HIP1: variants seen among roughly 807,000 people sequenced by gnomAD.
HIP1 encodes huntingtin-interacting protein 1.
Under a neutral mutation model 147.6 loss-of-function variants are expected in HIP1, and 65 were observed. The observed-to-expected ratio is 0.44, with a 90% CI of 0.36 to 0.54. The LOEUF (loss-of-function observed/expected upper bound fraction) is 0.54. Among genes scored for constraint, HIP1 ranks in the 20% least tolerant of loss-of-function variants. The pLI, the probability that HIP1 is intolerant of heterozygous loss-of-function variation, is 0.00. For missense variants in HIP1, 1,061 were observed against 1,299.6 expected, an observed-to-expected ratio of 0.82 and a Z score of 2.82; for synonymous variants, 479 against 504.0, an observed-to-expected ratio of 0.95 and a Z score of 0.67.
intron 1 of HIP1, among the ~76,000 whole-genome samples, chr7:75,694,171 G>C (rs1398674975): frequency 1.3e-5 from 2 of 151,936 alleles, no homozygotes; most frequent in East Asian, 1.9e-4. Flanking sequence ...ACCCACCTCG[G>C]CCTCCCAAAG....
chr7:75,558,306 C>A, intron 14 of HIP1, 51 bp from the exon 15 acceptor site: 2 of 1,419,916 alleles, frequency 1.4e-6, no homozygotes, highest in Non-Finnish European at 2.0e-6. Context: ...GGGACCCTTG[C>A]CTTCCTTGCA....
chr7:75,541,147 A>G (rs1251491239), intron 29 of HIP1, among the ~76,000 whole-genome samples: 1 of 151,994 alleles, frequency 6.6e-6, no homozygotes, highest in African/African-American at 2.4e-5. Flanking sequence ...CTGTAATCCC[A>G]GCACTTTGGA....
chr7:75,612,284 C>T lies in HIP1; in HGVS notation c.121-13037G>A, dbSNP rs140882906. Among the ~76,000 whole-genome samples the T allele has an allele frequency of 2.6e-4, 40 of 152,154 alleles. No homozygotes were observed. The East Asian group carries it at 2.9e-3, about 11-fold the overall frequency. ...CAGCACTTTGGGAGGCGGAGGTGGG[C>T]GGATCACCCAAAGTCAGGAGCTCCA... On this transcript the variant is annotated intron_variant, in intron 1 of 30. Coordinates refer to ENST00000336926, the MANE Select transcript of HIP1 (RefSeq NM_005338.7).
intron 14 of HIP1, among the ~76,000 whole-genome samples, chr7:75,559,402 C>T (rs1260075499): frequency 6.6e-6 from 1 of 152,210 alleles, no homozygotes; most frequent in East Asian, 1.9e-4. Context: ...AGGCATGTGC[C>T]ACTGTGCCCT....
chr7:75,563,303 C>T (rs377615961), intron 9 of HIP1, 40 bp from the exon 10 acceptor site: 2 of 1,583,636 alleles, frequency 1.3e-6, no homozygotes, highest in Non-Finnish European at 1.7e-6. Flanking sequence ...TGGGTGTCTT[C>T]ATCAGCCCCA....
intron 1 of HIP1, among the ~76,000 whole-genome samples, chr7:75,688,706 T>C (rs1800348324): frequency 6.6e-6 from 1 of 152,040 alleles, no homozygotes. Flanking sequence ...AACCAGCAGG[T>C]GGGAGGTTGT....
chr7:75,656,908 C>T (rs1246500088), intron 1 of HIP1, among the ~76,000 whole-genome samples: 2 of 152,196 alleles, frequency 1.3e-5, no homozygotes, highest in African/African-American at 4.8e-5. Flanking sequence ...CATAGTCTGA[C>T]CCCCTGGGAA....
intron 1 of HIP1, among the ~76,000 whole-genome samples, chr7:75,732,183 G>A (rs1801856998): frequency 6.6e-6 from 1 of 152,102 alleles, no homozygotes; most frequent in Non-Finnish European, 1.5e-5. Context: ...CTGAGCCTGA[G>A]CTATTAAAAT....
chr7:75,595,247 T>C (rs62478482), intron 2 of HIP1, among the ~76,000 whole-genome samples: 7,907 of 78,512 alleles, frequency 0.1, 449 homozygotes, highest in African/African-American at 0.3. Context: ...TTTCTTTCTT[T>C]CTTTCTTCCT....
At chr7:75,636,228 G>A (rs587661456) in intron 1 of HIP1, among the ~76,000 whole-genome samples, 15 of 151,670 alleles carry the variant, frequency 9.9e-5, no homozygotes, top group African/African-American at 3.6e-4. Context: ...GCGCGCGCCT[G>A]TAGTCCCAGC....
At chr7:75,580,738 C>T (rs115921592) in intron 7 of HIP1, among the ~76,000 whole-genome samples, 1,950 of 151,970 alleles carry the variant, frequency 0.013, 38 homozygotes, top group African/African-American at 0.045. Flanking sequence ...GACCTTCTCT[C>T]TCTCTCTCTC....
At chr7:75,642,493 C>T (rs1798679236) in intron 1 of HIP1, among the ~76,000 whole-genome samples, 1 of 152,142 alleles carries the variant, frequency 6.6e-6, no homozygotes, top group South Asian at 2.1e-4. Context: ...TGAGATCGCA[C>T]CACTGCACTC....
chr7:75,677,835 C>T (rs1186841750), intron 1 of HIP1, among the ~76,000 whole-genome samples: 1 of 151,898 alleles, frequency 6.6e-6, no homozygotes, highest in African/African-American at 2.4e-5. Context: ...TGAAAACAAA[C>T]AAACAAACAA....
intron 1 of HIP1, among the ~76,000 whole-genome samples, chr7:75,701,916 ATTAT>A (rs1308236341): frequency 5.3e-5 from 8 of 151,662 alleles, no homozygotes; most frequent in Non-Finnish European, 1.0e-4. Context: ...TCCTCACTTT[ATTAT>A]TTATTTATTT....
chr7:75,547,759 C>T lies in HIP1; in HGVS notation c.2461G>A (p.Glu821Lys), dbSNP rs1554491287. Residue 821 changes from glutamate to lysine, a missense_variant, in exon 24 of 31, where the codon GAA becomes AAA. Physicochemically the swap from Glu to Lys is moderately conservative, Grantham distance 56 (BLOSUM62 1). Around this residue, in one of 3 missense-constraint regions of HIP1, gnomAD observed 810 missense variants for 946.8 expected, o/e 0.86. Coordinates refer to ENST00000336926, the MANE Select transcript of HIP1 (RefSeq NM_005338.7). ...CACCATGCCGCTCAGACCGACCTTT[C>T]ATTCACCTCCAATTTGACTCCTGTG... is the stretch of plus-strand genomic sequence containing the variant. ...GDTGVKLEVN[E>K]RILGCCTSLM... is the part of the protein sequence containing the mutation. 1 of 1,613,722 alleles carries T rather than the reference C, an allele frequency of 6.2e-7. No homozygotes were observed. Among genetic ancestry groups the T allele is most frequent in the Admixed American group, 1.7e-5 (1 of 60,010 alleles).
At chr7:75,641,961 C>A (rs1226286320) in intron 1 of HIP1, among the ~76,000 whole-genome samples, 3 of 152,312 alleles carry the variant, frequency 2.0e-5, no homozygotes, top group Admixed American at 1.3e-4. Flanking sequence ...CAAGTAGCTT[C>A]CAATCTATGT....
At position 75,727,089 on chromosome 7, in the gene HIP1, A is replaced by AT. The variant is rs536980859; in HGVS notation, c.120+11711dup. On this transcript the variant is annotated intron_variant, in intron 1 of 30. Transcript: ENST00000336926. Reference sequence around the variant, plus strand: ...CCCTTTCATTAAGTATCTCCTGCTTATTTTTTTTTAAATTAAGTTTGTCTT... The same window carrying AT: ...CCCTTTCATTAAGTATCTCCTGCTTATTTTTTTTTTAAATTAAGTTTGTCTT... Among the ~76,000 whole-genome samples, 317 of 150,714 alleles carry AT rather than the reference A, an allele frequency of 2.1e-3. 2 individuals are homozygous for AT. Among genetic ancestry groups the AT allele is most frequent in the Middle Eastern group, 3.4e-3 (1 of 292 alleles).
At chr7:75,550,553 C>T (rs1416260943) in intron 22 of HIP1, among the ~76,000 whole-genome samples, 5 of 152,144 alleles carry the variant, frequency 3.3e-5, no homozygotes, top group African/African-American at 7.2e-5. Context: ...GCTGGGACAA[C>T]GGGCACACAC....
At chr7:75,617,579 C>A (rs1797713187) in intron 1 of HIP1, among the ~76,000 whole-genome samples, 1 of 152,178 alleles carries the variant, frequency 6.6e-6, no homozygotes, top group African/African-American at 2.4e-5. Context: ...TGCCAGCTGC[C>A]TCCCTCCATA....
Sources: allele counts gnomAD v4.1 joint callset (sites outside exome capture counted in the v4.1 genomes callset), GRCh38; gene constraint gnomAD v4.1.1; regional missense constraint gnomAD v4.1.1; transcripts MANE v1.5; gene names NCBI Gene and HGNC (gene_info 2026-07-23, HGNC 2026-07-21).